The following TMEM223 variants were observed in gnomAD, a reference collection of about 807,000 sequenced individuals.
TMEM223 encodes transmembrane protein 223.
Under a neutral mutation model 14.1 loss-of-function variants are expected in TMEM223, and 14 were observed. The ratio of observed to expected loss-of-function variants is 0.99; its 90% CI spans 0.66 to 1.55. The LOEUF is 1.55. TMEM223 is among the 40% of genes most tolerant of loss of function. The pLI is 0.00. For missense variants in TMEM223, 346 were observed against 269.9 expected, an observed-to-expected ratio of 1.28 and a Z score of -1.97; for synonymous variants, 145 against 120.5, an observed-to-expected ratio of 1.20 and a Z score of -1.33.
At chr11:62,778,942 G>A (rs954851845) in intron 1 of TMEM223, 1 of 1,614,012 alleles carries the variant, frequency 6.2e-7, no homozygotes, top group African/African-American at 1.3e-5. Context: ...CTGTGCTAGG[G>A]GATGATCCGC....
At chr11:62,779,968 A>ATTTTTT (rs1341684851) in intron 1 of TMEM223, among the ~76,000 whole-genome samples, 1 of 66,634 alleles carries the variant, frequency 1.5e-5, no homozygotes, top group African/African-American at 4.4e-5. Flanking sequence ...ATATATATAT[A>ATTTTTT]TATATATATT....
chr11:62,786,113 A>G, downstream of TMEM223: 2 of 973,312 alleles, frequency 2.1e-6, no homozygotes, highest in Non-Finnish European at 3.0e-6. Context: ...CCAAATAAAT[A>G]TATGGTTGAA....
intron 1 of TMEM223, chr11:62,782,408 G>T (rs1307542116): frequency 1.3e-6 from 2 of 1,493,974 alleles, no homozygotes; most frequent in Admixed American, 3.7e-5. Context: ...ATGGGGCGAA[G>T]CCTCTGGCTT....
rs773687069 is a variant in TMEM223 at position 62,790,739 on chromosome 11, C to T, written c.493G>A (p.Ala165Thr). Residue 165 changes from alanine to threonine, a missense_variant, in exon 2 of 2, where the codon GCC becomes ACC. Coordinates refer to ENST00000307366, the MANE Select transcript of TMEM223 (RefSeq NM_001080501.3). ...SCMAHRGEVP[A>T]MLPLKVKGRR... ...CCTTTGACTTTCAGAGGTAGCATGG[C>T]AGGGACTTCACCCCGGTGGGCCATG... 4.3e-6 allele frequency: 7 copies of T among 1,610,956 alleles called. No homozygotes were observed. The South Asian group carries it at 7.7e-5, about 18-fold the overall frequency.
chr11:62,779,698 C>G (rs1051029271), intron 1 of TMEM223, among the ~76,000 whole-genome samples: 3 of 151,286 alleles, frequency 2.0e-5, no homozygotes, highest in African/African-American at 4.9e-5. Context: ...TGGGGTCTTG[C>G]TCTGTCACCT....
At chr11:62,783,733 A>G (rs2134720335), downstream of TMEM223, among the ~76,000 whole-genome samples, 1 of 151,560 alleles carries the variant, frequency 6.6e-6, no homozygotes, top group Non-Finnish European at 1.5e-5. Flanking sequence ...CAGTTTCATC[A>G]TGTTAGCCAG....
chr11:62,779,952 C>CTATATATATA (rs1225374367), intron 1 of TMEM223, among the ~76,000 whole-genome samples: 10 of 100,048 alleles, frequency 1.0e-4, no homozygotes, highest in African/African-American at 4.5e-4. Flanking sequence ...AGGCGTGAGC[C>CTATATATATA]TATATATATA....
intron 1 of TMEM223, 76 bp from the exon 2 acceptor site, chr11:62,790,991 A>G: frequency 1.4e-6 from 2 of 1,412,004 alleles, no homozygotes; most frequent in Non-Finnish European, 1.9e-6. Context: ...TGCCCTCTGA[A>G]TAAGAAATTT....
Position 62,790,894 on chromosome 11 carries a change from C to T in TMEM223, c.338G>A (p.Gly113Asp). ...CACAGACCGGAGAGAGAAGAGAAGA[C>T]CAGCACCGAGTACGAGGGCTCCTGC... ...GAIGALVLGA[G>D]LLFSLRSVRS... The change falls in exon 2 of 2, where the codon GGT becomes GAT. Residue 113 changes from glycine to aspartate, a missense_variant. Physicochemically the swap from Gly to Asp is moderately conservative, Grantham distance 94. Coordinates refer to ENST00000307366, the MANE Select transcript of TMEM223 (RefSeq NM_001080501.3). 6.3e-7 allele frequency: 1 copy of T among 1,591,624 alleles called. No homozygotes were observed. Among genetic ancestry groups the T allele is most frequent in the Non-Finnish European group, 8.6e-7 (1 of 1,165,704 alleles).
intron 1 of TMEM223, chr11:62,776,307 T>G (rs1199430236): frequency 4.8e-6 from 7 of 1,454,998 alleles, no homozygotes; most frequent in Non-Finnish European, 5.8e-6. Flanking sequence ...CTCTCCAGTC[T>G]GGCCCACTTC....
At chr11:62,780,041 C>T (rs2084217160) in intron 1 of TMEM223, among the ~76,000 whole-genome samples, 1 of 145,674 alleles carries the variant, frequency 6.9e-6, no homozygotes. Flanking sequence ...GAAACTCCTG[C>T]CCTCAAGCAA....
downstream of TMEM223, chr11:62,782,514 G>A (rs1181506628): frequency 1.9e-6 from 2 of 1,056,440 alleles, no homozygotes; most frequent in African/African-American, 1.6e-5. Flanking sequence ...TTACAAATAC[G>A]CCAAGGTATT....
At chr11:62,790,991 A>C in intron 1 of TMEM223, 76 bp from the exon 2 acceptor site, 2 of 1,412,004 alleles carry the variant, frequency 1.4e-6, no homozygotes, top group Non-Finnish European at 1.9e-6. Context: ...TGCCCTCTGA[A>C]TAAGAAATTT....
rs2134697557 is a variant in TMEM223 at position 62,774,121 on chromosome 11, G to T, written c.385+474C>A. On this transcript the variant is annotated intron_variant, in intron 2 of 2. Transcript: ENST00000528367. ...AGACGGAGTCTTGCTCTGTTGCCCA[G>T]GCTGGAGTGCAGTGGCGTGATCTCG... is the stretch of plus-strand genomic sequence containing the variant. Among the ~76,000 whole-genome samples the T allele has an allele frequency of 2.6e-5, 4 of 151,992 alleles. 1 individual carries two copies. Among genetic ancestry groups the T allele is most frequent in the Middle Eastern group, 6.8e-3 (2 of 292 alleles).
downstream of TMEM223, chr11:62,787,104 CTTTCG>C (rs2084288707): frequency 4.5e-6 from 7 of 1,547,664 alleles, no homozygotes; most frequent in East Asian, 4.9e-5. Context: ...GCGCCCCGCA[CTTTCG>C]TTTCATCATA....
At chr11:62,786,857 C>A (rs747660417), downstream of TMEM223, 55 of 1,592,924 alleles carry the variant, frequency 3.5e-5, no homozygotes, top group South Asian at 5.4e-4. Flanking sequence ...GAGCCGGCGG[C>A]AGCCCCGGAC....
rs769898301 is a variant in TMEM223, at chr11:62,790,142, T to A, written c.*481A>T. The A allele has an allele frequency of 5.1e-5, 71 of 1,381,868 alleles. 1 individual carries two copies. The highest frequency in any genetic ancestry group is 1.2e-4 in the Admixed American group (4 of 32,726). The allele number at this position is 1,381,868 out of a possible 1,614,324, so 85.6% of individuals were successfully genotyped here. ...CCCTGTTTATGTTGGGAGTCTTAGTTTTCCTTTCGTTGGGGGGTGGGGGGG... is the reference window on the plus strand; with the variant it reads ...CCCTGTTTATGTTGGGAGTCTTAGTATTCCTTTCGTTGGGGGGTGGGGGGG... On this transcript the variant is annotated 3_prime_UTR_variant, in exon 2 of 2. Transcript: ENST00000307366.
At chr11:62,784,524 T>C (rs939161835), downstream of TMEM223, among the ~76,000 whole-genome samples, 2 of 151,772 alleles carry the variant, frequency 1.3e-5, no homozygotes, top group African/African-American at 4.8e-5. Context: ...GCCAGGATGG[T>C]CTCGATCTCC....
At chr11:62,778,244 G>A in intron 1 of TMEM223, 1 of 1,613,986 alleles carries the variant, frequency 6.2e-7, no homozygotes, top group East Asian at 2.2e-5. Flanking sequence ...ACTCTAAGGG[G>A]CAAAACGCCA....
Sources: allele counts gnomAD v4.1 joint callset (sites outside exome capture counted in the v4.1 genomes callset), GRCh38; gene constraint gnomAD v4.1.1; transcripts MANE v1.5; gene names NCBI Gene and HGNC (gene_info 2026-07-23, HGNC 2026-07-21).